ABCG2: variants seen among roughly 807,000 people sequenced by gnomAD.
ABCG2 encodes the protein ATP binding cassette subfamily G member 2 (JR blood group), also known as broad substrate specificity ATP-binding cassette transporter ABCG2.
Under a neutral mutation model 73.5 loss-of-function variants are expected in ABCG2, and 80 were observed. The ratio of observed to expected loss-of-function variants is 1.09; its 90% CI spans 0.91 to 1.31. ABCG2 has a LOEUF of 1.31. ABCG2 is among the 50% of genes most tolerant of loss of function. The pLI, the probability that ABCG2 is intolerant of heterozygous loss-of-function variation, is 0.00. For synonymous variants in ABCG2, 269 were observed against 282.4 expected (o/e 0.95, Z 0.48); for missense variants, 796 against 786.2 (o/e 1.01, Z -0.15).
intron 6 of ABCG2, among the ~76,000 whole-genome samples, chr4:88,120,598 C>G (rs184011942): frequency 6.6e-6 from 1 of 152,154 alleles, no homozygotes; most frequent in Non-Finnish European, 1.5e-5. Flanking sequence ...CTTTGGATTT[C>G]GGACTTGCGT....
chr4:88,109,293 C>T (rs1041975371), intron 9 of ABCG2, among the ~76,000 whole-genome samples: 1 of 152,130 alleles, frequency 6.6e-6, no homozygotes, highest in Non-Finnish European at 1.5e-5. Context: ...CCACCATGCC[C>T]GGCCCAGACT....
intron 1 of ABCG2, among the ~76,000 whole-genome samples, chr4:88,176,187 G>T (rs1727966861): frequency 6.6e-6 from 1 of 151,396 alleles, no homozygotes; most frequent in Non-Finnish European, 1.5e-5. Context: ...TGGAGACAGG[G>T]TCTTGCCATG....
intron 5 of ABCG2, among the ~76,000 whole-genome samples, chr4:88,130,565 A>C (rs1468610249): frequency 6.6e-6 from 1 of 152,098 alleles, no homozygotes; most frequent in South Asian, 2.1e-4. Context: ...CCATAGAAAA[A>C]CTGTCTTCCA....
chr4:88,092,083 AT>A lies in ABCG2; in HGVS notation c.*150del. 2 of 706,330 alleles carry A rather than the reference AT, an allele frequency of 2.8e-6. No individual in the cohort carries two copies. Among genetic ancestry groups the A allele is most frequent in the Non-Finnish European group, 4.6e-6 (2 of 439,408 alleles). The allele number at this position is 706,330 out of a possible 1,614,324, so 43.8% of individuals were successfully genotyped here. A position where few individuals can be genotyped will look rare whatever the true frequency, so the allele number is the denominator to read the frequency against. On this transcript the variant is annotated 3_prime_UTR_variant, in exon 16 of 16. Coordinates refer to ENST00000237612, the MANE Select transcript of ABCG2 (RefSeq NM_004827.3). Reference sequence around the variant, plus strand: ...TTCATGTTTAATTCAGTTTGTTGTGATTTCTAAAAATGTATCTCTTTAAAAC... The same window carrying A: ...TTCATGTTTAATTCAGTTTGTTGTGATTCTAAAAATGTATCTCTTTAAAAC...
At chr4:88,172,961 G>T (rs1303365878) in intron 1 of ABCG2, among the ~76,000 whole-genome samples, 1 of 152,048 alleles carries the variant, frequency 6.6e-6, no homozygotes, top group Non-Finnish European at 1.5e-5. Flanking sequence ...GACTTTGAAG[G>T]GTAGCTTAAT....
intron 1 of ABCG2, among the ~76,000 whole-genome samples, chr4:88,196,296 C>A (rs1728939646): frequency 6.6e-6 from 1 of 152,154 alleles, no homozygotes; most frequent in Non-Finnish European, 1.5e-5. Context: ...TCTTTACCTG[C>A]AAAGATTTTG....
At chr4:88,123,945 T>C (rs1169934524) in intron 5 of ABCG2, among the ~76,000 whole-genome samples, 2 of 152,160 alleles carry the variant, frequency 1.3e-5, no homozygotes, top group Non-Finnish European at 2.9e-5. Context: ...GGGAAGCCTA[T>C]CAGACTAACA....
intron 5 of ABCG2, among the ~76,000 whole-genome samples, chr4:88,122,963 A>G (rs570467706): frequency 3.4e-4 from 52 of 151,720 alleles, no homozygotes; most frequent in African/African-American, 1.2e-3. Flanking sequence ...GCTTCCAGAG[A>G]AAAAAAACAG....
In ABCG2 at chr4:88,180,584, T is replaced by A. The variant is rs558959879; in HGVS notation, c.-19-40570A>T. Among the ~76,000 whole-genome samples the A allele has an allele frequency of 1.6e-3, 238 of 152,190 alleles. 1 individual carries two copies. The highest frequency in any genetic ancestry group is 4.5e-3 in the African/African-American group (187 of 41,554). On this transcript the variant is annotated intron_variant, in intron 1 of 15. Transcript: ENST00000515655. ...ACCTTGCCTCTACAAAAAAAAATTT[T>A]AAATTTTTAAATTTTTTTATGGAAA...
chr4:88,165,012 G>A (rs12331933), intron 1 of ABCG2, among the ~76,000 whole-genome samples: 2,715 of 152,156 alleles, frequency 0.018, 87 homozygotes, highest in African/African-American at 0.062. Context: ...TCCTGGCCTC[G>A]AAGGGATCTG....
At chr4:88,144,896 C>T (rs1274564754) in intron 1 of ABCG2, among the ~76,000 whole-genome samples, 1 of 152,018 alleles carries the variant, frequency 6.6e-6, no homozygotes, top group Non-Finnish European at 1.5e-5. Context: ...GTATAGAACA[C>T]TCTTTACAAT....
chr4:88,101,275 C>T lies in ABCG2; in HGVS notation c.1322G>A (p.Ser441Asn), dbSNP rs1354553769. Residue 441 changes from serine (S) to asparagine (N), a missense_variant, in exon 11 of 16, where the codon AGT (serine) becomes AAT (asparagine). Physicochemically the swap from Ser to Asn is conservative, Grantham distance 46. Transcript: ENST00000237612. ...FFLTTNQCFSSVSAVELFVVE... is the reference protein window; with the variant it reads ...FFLTTNQCFSNVSAVELFVVE... ...CACAAAGAGTTCCACGGCTGAAACA[C>T]TGCTGAAACACTGGTTGGTCGTCAG... The T allele has an allele frequency of 2.4e-5, 39 of 1,613,998 alleles. No individual in the cohort carries two copies. In the East Asian group the frequency reaches 8.5e-4, roughly 35 times the overall value.
At chr4:88,129,217 T>C (rs1317869836) in intron 5 of ABCG2, among the ~76,000 whole-genome samples, 1 of 152,156 alleles carries the variant, frequency 6.6e-6, no homozygotes, top group African/African-American at 2.4e-5. Context: ...GCTCCCCAAA[T>C]TGACCCCATA....
At chr4:88,196,714 T>C (rs2110111360) in intron 1 of ABCG2, among the ~76,000 whole-genome samples, 1 of 151,436 alleles carries the variant, frequency 6.6e-6, no homozygotes, top group South Asian at 2.1e-4. Flanking sequence ...AGCACTAGCA[T>C]ACCGAAAAGA....
intron 1 of ABCG2, among the ~76,000 whole-genome samples, chr4:88,148,566 C>G (rs908071122): frequency 1.3e-5 from 2 of 152,104 alleles, no homozygotes; most frequent in Non-Finnish European, 2.9e-5. Flanking sequence ...TCCTATATAT[C>G]CTGATCCTAC....
chr4:88,100,191 TA>T (rs35345062), intron 11 of ABCG2, among the ~76,000 whole-genome samples: 116,254 of 142,992 alleles, frequency 0.81, 48,065 homozygotes, highest in South Asian at 0.92. Context: ...ACAAAAAAAT[TA>T]AAAAAAAAAA....
chr4:88,185,707 A>T (rs999264861), intron 1 of ABCG2, among the ~76,000 whole-genome samples: 1 of 152,234 alleles, frequency 6.6e-6, no homozygotes, highest in Non-Finnish European at 1.5e-5. Flanking sequence ...CTGAACAGAC[A>T]TTTCTCAAAA....
chr4:88,172,687 A>C (rs1174891715), intron 1 of ABCG2, among the ~76,000 whole-genome samples: 1 of 152,200 alleles, frequency 6.6e-6, no homozygotes, highest in Non-Finnish European at 1.5e-5. Flanking sequence ...CAAACCACTT[A>C]AGATCTGGTC....
intron 1 of ABCG2, among the ~76,000 whole-genome samples, chr4:88,203,035 TAAA>T (rs747530884): frequency 6.6e-6 from 1 of 152,164 alleles, no homozygotes; most frequent in Non-Finnish European, 1.5e-5. Context: ...ATTAATTAAT[TAAA>T]AATGTTTTAT....
Sources: gnomAD v4.1 joint callset for allele counts (sites outside exome capture counted in the v4.1 genomes callset) on GRCh38, gnomAD v4.1.1 for gene constraint, MANE v1.5 for transcripts, NCBI Gene and HGNC (gene_info 2026-07-23, HGNC 2026-07-21) for gene names.